Variants in CNTNAP2 observed in about 807,000 individuals in gnomAD.
CNTNAP2 encodes the protein contactin associated protein 2.
In CNTNAP2, 98 loss-of-function variants were observed where a neutral mutation model predicts 155.2. The observed-to-expected ratio is 0.63, with a 90% confidence interval of 0.54 to 0.75. The LOEUF (loss-of-function observed/expected upper bound fraction) is 0.75, where lower values mean the gene tolerates loss of function less well. CNTNAP2 is among the 30% of genes least tolerant of loss of function. CNTNAP2 has a pLI of 0.00. For synonymous variants in CNTNAP2, 651 were observed against 631.2 expected, an observed-to-expected ratio of 1.03 and a Z score of -0.47; for missense variants, 1,727 against 1,688.1, an observed-to-expected ratio of 1.02 and a Z score of -0.40.
At position 146,207,866 on chromosome 7, in the gene CNTNAP2, TAAAAC is replaced by T. The variant is rs1046760606; in HGVS notation, c.97+90896_97+90900del. Among the ~76,000 whole-genome samples the T allele has an allele frequency of 2.7e-4, 41 of 152,086 alleles. 1 individual carries two copies. Among genetic ancestry groups the T allele is most frequent in the African/African-American group, 9.4e-4 (39 of 41,560 alleles). ...TTACTTTAAAATCTCTGATGGAACTTAAAACAAGAGAACAAGTAACAGGAACTTGA... is the reference window on the plus strand; with the variant it reads ...TTACTTTAAAATCTCTGATGGAACTTAAGAGAACAAGTAACAGGAACTTGA... On this transcript the variant is annotated intron_variant, in intron 1 of 23. Transcript: ENST00000361727.
chr7:147,676,406 G>A (rs1229258491), intron 13 of CNTNAP2, among the ~76,000 whole-genome samples: 1 of 151,864 alleles, frequency 6.6e-6, no homozygotes. Context: ...AAACAAAATT[G>A]TATTTGTTCA....
chr7:147,880,353 C>T (rs1160561444), intron 13 of CNTNAP2, among the ~76,000 whole-genome samples: 3 of 152,122 alleles, frequency 2.0e-5, no homozygotes, highest in African/African-American at 4.8e-5. Flanking sequence ...AAAAAGTGAC[C>T]ACATGTAGAT....
At chr7:146,173,982 G>A (rs779728995) in intron 1 of CNTNAP2, among the ~76,000 whole-genome samples, 1 of 152,040 alleles carries the variant, frequency 6.6e-6, no homozygotes, top group Non-Finnish European at 1.5e-5. Flanking sequence ...TGAGGTGGGA[G>A]GATCATTTGA....
chr7:147,421,720 T>C (rs996529539), intron 10 of CNTNAP2, among the ~76,000 whole-genome samples: 3 of 152,016 alleles, frequency 2.0e-5, no homozygotes, highest in African/African-American at 7.2e-5. Flanking sequence ...CAATGGGGCC[T>C]GGTAGGAGGT....
intron 9 of CNTNAP2, among the ~76,000 whole-genome samples, chr7:147,375,780 G>C (rs911834376): frequency 6.6e-6 from 1 of 151,940 alleles, no homozygotes; most frequent in African/African-American, 2.4e-5. Flanking sequence ...CCCAACAGTT[G>C]TACTCATATT....
chr7:147,362,682 T>C (rs1439130892), intron 9 of CNTNAP2, among the ~76,000 whole-genome samples: 1 of 152,184 alleles, frequency 6.6e-6, no homozygotes, highest in Non-Finnish European at 1.5e-5. Context: ...CTGAGTGTTA[T>C]GGAGTGCATA....
At chr7:148,121,835 T>C (rs1198914949) in intron 16 of CNTNAP2, among the ~76,000 whole-genome samples, 1 of 152,224 alleles carries the variant, frequency 6.6e-6, no homozygotes, top group East Asian at 1.9e-4. Flanking sequence ...TGGTAACATT[T>C]TAACCCTATA....
rs1192807076 is a variant in CNTNAP2 at position 148,378,825 on chromosome 7, C to G, written c.3476-4824C>G. 9.0e-5 allele frequency among the ~76,000 whole-genome samples: 6 copies of G among 66,930 alleles called. 2 individuals are homozygous for G. Among genetic ancestry groups the G allele is most frequent in the African/African-American group, 1.5e-4 (4 of 27,282 alleles). The allele number at this position is 66,930 out of a possible 152,430, so 43.9% of individuals were successfully genotyped here. ...ATAATAAAGATAGTCCAGCCCCACA[C>G]TGAGCCGGCCTGAGACTCTGAGAAA... is the stretch of plus-strand genomic sequence containing the variant. On this transcript the variant is annotated intron_variant, in intron 21 of 23. Transcript: ENST00000361727.
intron 8 of CNTNAP2, among the ~76,000 whole-genome samples, chr7:147,234,285 T>C (rs1252939856): frequency 6.6e-6 from 1 of 151,636 alleles, no homozygotes; most frequent in Non-Finnish European, 1.5e-5. Context: ...ACTAGTTCTT[T>C]CTAATCCTCA....
intron 19 of CNTNAP2, among the ~76,000 whole-genome samples, chr7:148,218,524 C>T (rs889340279): frequency 6.6e-6 from 1 of 151,984 alleles, no homozygotes; most frequent in African/African-American, 2.4e-5. Flanking sequence ...CCCAAGTAGC[C>T]GGGATCACAG....
At chr7:147,215,733 TAA>T (rs1803254425) in intron 8 of CNTNAP2, among the ~76,000 whole-genome samples, 1 of 152,196 alleles carries the variant, frequency 6.6e-6, no homozygotes, top group South Asian at 2.1e-4. Context: ...GATCATACCA[TAA>T]GAGTATGTTT....
chr7:146,802,646 T>G (rs1331123526), intron 2 of CNTNAP2, among the ~76,000 whole-genome samples: 1 of 152,142 alleles, frequency 6.6e-6, no homozygotes, highest in Admixed American at 6.6e-5. Flanking sequence ...ATGCCTCACC[T>G]TCACCATCCG....
chr7:146,254,153 ACACACACACAAG>A (rs1023582214), intron 1 of CNTNAP2, among the ~76,000 whole-genome samples: 6 of 143,978 alleles, frequency 4.2e-5, no homozygotes, highest in African/African-American at 1.2e-4. Context: ...ACACACACAC[ACACACACACAAG>A]CAAACACACA....
chr7:148,093,795 G>A (rs576513889), intron 15 of CNTNAP2, among the ~76,000 whole-genome samples: 40 of 152,050 alleles, frequency 2.6e-4, no homozygotes, highest in Non-Finnish European at 4.9e-4. Flanking sequence ...TTTCTTTTGA[G>A]AGAGAGTCTC....
chr7:147,600,260 T>A (rs1270585927), intron 12 of CNTNAP2, among the ~76,000 whole-genome samples: 1 of 152,138 alleles, frequency 6.6e-6, no homozygotes, highest in Non-Finnish European at 1.5e-5. Context: ...GCAAAAGTAT[T>A]TTTCTTCCTC....
intron 13 of CNTNAP2, among the ~76,000 whole-genome samples, chr7:147,815,371 C>A (rs943964328): frequency 6.6e-6 from 1 of 152,168 alleles, no homozygotes; most frequent in Admixed American, 6.5e-5. Flanking sequence ...TTGGCAGAAT[C>A]CAGTTCCATG....
At chr7:147,750,936 AG>A (rs1425866054) in intron 13 of CNTNAP2, among the ~76,000 whole-genome samples, 1 of 152,152 alleles carries the variant, frequency 6.6e-6, no homozygotes, top group Non-Finnish European at 1.5e-5. Context: ...GCTACTCAGG[AG>A]GCTGAGGCAG....
At chr7:148,086,946 C>T (rs1288804038) in intron 15 of CNTNAP2, among the ~76,000 whole-genome samples, 6 of 152,142 alleles carry the variant, frequency 3.9e-5, no homozygotes, top group African/African-American at 7.2e-5. Context: ...TTGCAAATCC[C>T]ATTTCATTAT....
At chr7:146,618,451 A>G (rs1474459441) in intron 1 of CNTNAP2, among the ~76,000 whole-genome samples, 1 of 152,164 alleles carries the variant, frequency 6.6e-6, no homozygotes, top group East Asian at 1.9e-4. Flanking sequence ...TTTACAACCT[A>G]TCTGTATTAC....
Sources: gnomAD v4.1 joint callset for allele counts (sites outside exome capture counted in the v4.1 genomes callset) on GRCh38, gnomAD v4.1.1 for gene constraint, MANE v1.5 for transcripts, NCBI Gene and HGNC (gene_info 2026-07-23, HGNC 2026-07-21) for gene names.